R3HDM4: variants seen among roughly 807,000 people sequenced by gnomAD.
The protein encoded by R3HDM4 is R3H domain-containing protein 4.
A neutral mutation model predicts 31.3 loss-of-function variants in R3HDM4; 30 were observed. That is an observed-to-expected ratio of 0.96 (90% CI 0.72 to 1.30). The LOEUF (loss-of-function observed/expected upper bound fraction) is 1.30. Ranked by LOEUF, R3HDM4 falls within the 50% of genes most tolerant of loss-of-function variation. The pLI, the probability that R3HDM4 is intolerant of heterozygous loss-of-function variation, is 0.00. For synonymous variants in R3HDM4, 196 were observed against 156.6 expected (o/e 1.25, Z -1.88); for missense variants, 444 against 366.1 (o/e 1.21, Z -1.74).
At chr19:902,941 C>CA (rs916149718) in intron 1 of R3HDM4, among the ~76,000 whole-genome samples, 29 of 148,092 alleles carry the variant, frequency 2.0e-4, no homozygotes, top group Middle Eastern at 6.8e-3. Flanking sequence ...GACCTTGTCT[C>CA]AAAAAAAAAC....
At chr19:903,433 G>A (rs1033740029) in intron 1 of R3HDM4, among the ~76,000 whole-genome samples, 1 of 152,106 alleles carries the variant, frequency 6.6e-6, no homozygotes, top group Admixed American at 6.5e-5. Context: ...GCAGCCGCCT[G>A]GGAAGCGGGT....
Position 899,648 on chromosome 19 carries a change from G to A in R3HDM4, c.600C>T (p.Phe200=). The change falls in exon 6 of 8, where the codon TTC becomes TTT. Residue 200 remains phenylalanine (F), a synonymous_variant. Coordinates refer to ENST00000361574, the MANE Select transcript of R3HDM4 (RefSeq NM_138774.4). The surrounding 1 kb of genome is among the most constrained non-coding windows in gnomAD (Gnocchi z 6.8). ...ACACGGCCTGGGGGGACACGGAGAA[G>A]AACCGAAGCAGCCGCTCCTCCCAGG... is the stretch of plus-strand genomic sequence containing the variant. ...LETWEERLLR[F]FSVSPQAVYT... 6.2e-7 allele frequency: 1 copy of A among 1,605,402 alleles called. No individual in the cohort carries two copies. The highest frequency in any genetic ancestry group is 1.1e-5 in the South Asian group (1 of 90,836).
chr19:909,577 C>T (rs1416505659), intron 1 of R3HDM4, among the ~76,000 whole-genome samples: 1 of 152,106 alleles, frequency 6.6e-6, no homozygotes, highest in Non-Finnish European at 1.5e-5. Context: ...AGGTGGATCA[C>T]CTGAGGTCAG....
chr19:910,928 G>C (rs766897828), intron 1 of R3HDM4, among the ~76,000 whole-genome samples: 23 of 151,452 alleles, frequency 1.5e-4, no homozygotes, highest in Non-Finnish European at 2.7e-4. Context: ...GACCATCCTG[G>C]CTCACACGGC....
chr19:896,897 C>T lies in R3HDM4; in HGVS notation c.*540G>A, dbSNP rs940202979. 6.5e-6 allele frequency: 1 copy of T among 152,730 alleles called. No homozygotes were observed. Among genetic ancestry groups the T allele is most frequent in the Non-Finnish European group, 1.5e-5 (1 of 68,442 alleles). The allele number at this position is 152,730 out of a possible 1,614,324, so 9.5% of individuals were successfully genotyped here. Reference sequence around the variant, plus strand: ...TCCTGGGTCTCAGGGCACACGCGCGCACACATATACAACACAAGATGCTTC... The same window carrying T: ...TCCTGGGTCTCAGGGCACACGCGCGTACACATATACAACACAAGATGCTTC... On this transcript the variant is annotated 3_prime_UTR_variant, in exon 8 of 8. Coordinates refer to ENST00000361574, the MANE Select transcript of R3HDM4 (RefSeq NM_138774.4). The surrounding 1 kb of genome is among the most constrained non-coding windows in gnomAD (Gnocchi z 4.0).
chr19:900,182 T>C (rs1599357031), intron 4 of R3HDM4, 36 bp from the exon 5 acceptor site: 2 of 1,499,916 alleles, frequency 1.3e-6, no homozygotes, highest in Non-Finnish European at 1.8e-6. Flanking sequence ...AGTCTTGGGG[T>C]GCTCGTCCTG....
chr19:910,337 T>C (rs1296963036), intron 1 of R3HDM4, among the ~76,000 whole-genome samples: 1 of 142,306 alleles, frequency 7.0e-6, no homozygotes, highest in African/African-American at 2.8e-5. Flanking sequence ...AAAAAAAAAA[T>C]AGCCGGCATG....
chr19:911,003 C>T (rs889475028), intron 1 of R3HDM4, among the ~76,000 whole-genome samples: 1 of 152,152 alleles, frequency 6.6e-6, no homozygotes, highest in East Asian at 1.9e-4. Context: ...CACCTGTAGT[C>T]CCAGCTACTC....
Position 907,362 on chromosome 19 carries a change from AG to A in R3HDM4, c.72-5233del, listed in dbSNP as rs2036919829. The stretch of plus-strand genomic sequence containing the variant: ...CCAGATTCACCCACAGCCCCCCCTG[AG>A]GCCCCGGGGCCTACTTCTCCACCCC... On this transcript the variant is annotated intron_variant, in intron 1 of 7. Coordinates refer to ENST00000361574, the MANE Select transcript of R3HDM4 (RefSeq NM_138774.4). This position sits in a 1 kb window ranked among gnomAD's most constrained non-coding sequence, Gnocchi z 4.1. Among the ~76,000 whole-genome samples the A allele has an allele frequency of 2.0e-5, 3 of 151,904 alleles. No individual in the cohort carries two copies.
In R3HDM4 at chr19:905,522, AC is replaced by A. The variant is rs1215400077; in HGVS notation, c.72-3393del. Among the ~76,000 whole-genome samples, 154 of 128,688 alleles carry A rather than the reference AC, an allele frequency of 1.2e-3. 1 individual carries two copies. Among genetic ancestry groups the A allele is most frequent in the Non-Finnish European group, 1.7e-3 (95 of 57,268 alleles). The allele number at this position is 128,688 out of a possible 152,430, so 84.4% of individuals were successfully genotyped here. A position where few individuals can be genotyped will look rare whatever the true frequency, so the allele number is the denominator to read the frequency against. On this transcript the variant is annotated intron_variant, in intron 1 of 7. Transcript: ENST00000361574. ...CTCTGTCTCAAAAAAAAAAAAAAAAACAAAACAAAACAATTAGCCAGGCATG... is the reference window on the plus strand; with the variant it reads ...CTCTGTCTCAAAAAAAAAAAAAAAAAAAAACAAAACAATTAGCCAGGCATG...
chr19:912,885 C>T (rs1568345090), intron 1 of R3HDM4, among the ~76,000 whole-genome samples: 1 of 151,790 alleles, frequency 6.6e-6, no homozygotes, highest in East Asian at 1.9e-4. Context: ...GAAGACCCCC[C>T]ACCCAGCCTG....
intron 1 of R3HDM4, among the ~76,000 whole-genome samples, chr19:912,623 G>A (rs1344384192): frequency 2.6e-5 from 3 of 117,482 alleles, no homozygotes; most frequent in Non-Finnish European, 5.5e-5. Flanking sequence ...CGGGAAGTGG[G>A]GGCGCGGACC....
At chr19:898,418 A>G (rs2036773000) in intron 7 of R3HDM4, among the ~76,000 whole-genome samples, 1 of 148,310 alleles carries the variant, frequency 6.7e-6, no homozygotes, top group African/African-American at 2.5e-5. Flanking sequence ...AAAAAAAAAA[A>G]AAAAGAAACC....
At chr19:901,340 G>A (rs2036833617) in intron 3 of R3HDM4, 82 bp downstream of exon 3, 20 of 1,459,446 alleles carry the variant, frequency 1.4e-5, no homozygotes, top group Non-Finnish European at 1.9e-5. Flanking sequence ...TTCTGGCGGG[G>A]GACGGGCACA....
intron 1 of R3HDM4, among the ~76,000 whole-genome samples, chr19:903,789 G>T (rs374332639): frequency 6.6e-6 from 1 of 151,992 alleles, no homozygotes; most frequent in East Asian, 1.9e-4. Context: ...GGTGGCTCAC[G>T]CCTGTCATCC....
chr19:913,110 G>A lies in R3HDM4; in HGVS notation c.48C>T (p.Gly16=). 4 of 1,081,148 alleles carry A rather than the reference G, an allele frequency of 3.7e-6. No homozygotes were observed. The highest frequency in any genetic ancestry group is 4.9e-5 in the Admixed American group (1 of 20,380). 67.0% of individuals were successfully genotyped at this position (1,081,148 alleles called of 1,614,324 possible). A position where few individuals can be genotyped will look rare whatever the true frequency, so the allele number is the denominator to read the frequency against. The change falls in exon 1 of 8, where the codon GGC becomes GGT. Residue 16 remains glycine (G), a synonymous_variant. Transcript: ENST00000361574. The surrounding 1 kb of genome is among the most constrained non-coding windows in gnomAD (Gnocchi z 5.0). ...NPECGPEAAE[G]TPGGRRLLPL... is the part of the protein sequence containing the mutation. ...ACAGCAGCCGCCGCCCGCCCGGGGTGCCCTCCGCCGCCTCCGGGCCGCACT... is the reference window on the plus strand; with the variant it reads ...ACAGCAGCCGCCGCCCGCCCGGGGTACCCTCCGCCGCCTCCGGGCCGCACT...
At chr19:903,113 C>T (rs937981383) in intron 1 of R3HDM4, among the ~76,000 whole-genome samples, 4 of 152,058 alleles carry the variant, frequency 2.6e-5, no homozygotes, top group Non-Finnish European at 5.9e-5. Context: ...GCCTTTGGGA[C>T]GTGAACAGCT....
At chr19:904,671 G>T (rs1271145905) in intron 1 of R3HDM4, among the ~76,000 whole-genome samples, 1 of 152,062 alleles carries the variant, frequency 6.6e-6, no homozygotes, top group Admixed American at 6.6e-5. Context: ...CGCTGCTCAG[G>T]AGGCTGAGGA....
intron 1 of R3HDM4, among the ~76,000 whole-genome samples, chr19:903,369 C>G (rs1478674244): frequency 8.0e-6 from 1 of 124,388 alleles, no homozygotes; most frequent in Non-Finnish European, 1.8e-5. Flanking sequence ...GCTGTCACAG[C>G]TGGGCCTCCC....
Sources: gnomAD v4.1 joint callset for allele counts (sites outside exome capture counted in the v4.1 genomes callset) on GRCh38, gnomAD v4.1.1 for gene constraint, Gnocchi (gnomAD v3.1) non-coding constraint, MANE v1.5 for transcripts, NCBI Gene and HGNC (gene_info 2026-07-23, HGNC 2026-07-21) for gene names.